ADAMTS12: variants seen among roughly 807,000 people sequenced by gnomAD.
ADAMTS12 encodes ADAM metallopeptidase with thrombospondin type 1 motif 12, also known as A disintegrin and metalloproteinase with thrombospondin motifs 12.
ADAMTS12 carries 118 observed loss-of-function variants against 167.8 expected under a neutral mutation model. The ratio of observed to expected loss-of-function variants is 0.70; its 90% CI spans 0.61 to 0.82. The LOEUF is 0.82. Among genes scored for constraint, ADAMTS12 ranks in the 40% least tolerant of loss-of-function variants. ADAMTS12 has a pLI of 0.00. For missense variants in ADAMTS12, 1,916 were observed against 1,998.8 expected, an observed-to-expected ratio of 0.96 and a Z score of 0.79; for synonymous variants, 704 against 716.9, an observed-to-expected ratio of 0.98 and a Z score of 0.29.
chr5:33,718,337 G>A (rs1376453600), intron 3 of ADAMTS12, among the ~76,000 whole-genome samples: 1 of 152,152 alleles, frequency 6.6e-6, no homozygotes, highest in Non-Finnish European at 1.5e-5. Flanking sequence ...AATGGTCCAT[G>A]GTCTGTTAAG....
intron 2 of ADAMTS12, among the ~76,000 whole-genome samples, chr5:33,879,116 ACAC>A (rs1308006530): frequency 6.6e-6 from 1 of 152,162 alleles, no homozygotes; most frequent in Non-Finnish European, 1.5e-5. Flanking sequence ...ACAACTCTGA[ACAC>A]ATTTAAAGCC....
chr5:33,720,722 A>G (rs1033998580), intron 3 of ADAMTS12, among the ~76,000 whole-genome samples: 4 of 152,216 alleles, frequency 2.6e-5, no homozygotes, highest in African/African-American at 9.7e-5. Flanking sequence ...ATGGAGACCA[A>G]CTGAAACCCT....
chr5:33,728,701 T>A (rs1579880961), intron 3 of ADAMTS12, among the ~76,000 whole-genome samples: 1 of 152,338 alleles, frequency 6.6e-6, no homozygotes, highest in East Asian at 1.9e-4. Context: ...GAAGGCCAGC[T>A]ACCCCTGTAG....
intron 13 of ADAMTS12, among the ~76,000 whole-genome samples, chr5:33,626,411 T>C (rs1739608500): frequency 7.0e-6 from 1 of 142,532 alleles, no homozygotes; most frequent in Non-Finnish European, 1.5e-5. Context: ...GTGGGGGTGA[T>C]GGTGATAGTG....
intron 12 of ADAMTS12, among the ~76,000 whole-genome samples, chr5:33,634,286 T>C (rs1412464034): frequency 2.0e-5 from 3 of 152,162 alleles, no homozygotes; most frequent in East Asian, 1.9e-4. Flanking sequence ...CCGGTGCTTT[T>C]ACCCAGGACC....
chr5:33,795,021 G>T (rs1746718759), intron 2 of ADAMTS12, among the ~76,000 whole-genome samples: 1 of 152,170 alleles, frequency 6.6e-6, no homozygotes, highest in Non-Finnish European at 1.5e-5. Context: ...CATTTGAAAA[G>T]TTTGTTCATT....
intron 2 of ADAMTS12, among the ~76,000 whole-genome samples, chr5:33,812,588 G>A (rs758159495): frequency 4.6e-5 from 7 of 152,236 alleles, no homozygotes; most frequent in Non-Finnish European, 7.4e-5. Context: ...GTTTTGCCTG[G>A]CTTTGGACTT....
At chr5:33,878,533 G>C (rs1015116030) in intron 2 of ADAMTS12, among the ~76,000 whole-genome samples, 3 of 152,174 alleles carry the variant, frequency 2.0e-5, no homozygotes, top group East Asian at 3.8e-4. Context: ...CTATTCCCAA[G>C]CCTAGGATAA....
chr5:33,694,921 C>T (rs10064467), intron 3 of ADAMTS12, among the ~76,000 whole-genome samples: 6,751 of 152,244 alleles, frequency 0.044, 306 homozygotes, highest in East Asian at 0.17. Flanking sequence ...TTGAAAATTA[C>T]CTATGTGACT....
intron 19 of ADAMTS12, among the ~76,000 whole-genome samples, chr5:33,563,168 G>T (rs1434605325): frequency 1.3e-5 from 2 of 151,950 alleles, no homozygotes; most frequent in African/African-American, 4.8e-5. Flanking sequence ...TTTCTTCTTT[G>T]TATCATATTA....
intron 2 of ADAMTS12, among the ~76,000 whole-genome samples, chr5:33,868,097 T>C (rs574946293): frequency 6.6e-6 from 1 of 152,312 alleles, no homozygotes; most frequent in African/African-American, 2.4e-5. Context: ...TCCCCAGCCA[T>C]GCTTCCTGTA....
At chr5:33,796,539 T>C (rs934197464) in intron 2 of ADAMTS12, among the ~76,000 whole-genome samples, 2 of 152,224 alleles carry the variant, frequency 1.3e-5, no homozygotes, top group African/African-American at 4.8e-5. Context: ...CTTCTCTTCT[T>C]ATAGGCAGAT....
At chr5:33,645,814 A>C (rs1457610398) in intron 9 of ADAMTS12, among the ~76,000 whole-genome samples, 4 of 152,154 alleles carry the variant, frequency 2.6e-5, no homozygotes, top group Non-Finnish European at 5.9e-5. Flanking sequence ...AAGAGATATG[A>C]AGTCTTCATT....
intron 16 of ADAMTS12, among the ~76,000 whole-genome samples, chr5:33,596,861 T>C (rs923083675): frequency 2.6e-5 from 4 of 152,196 alleles, no homozygotes; most frequent in African/African-American, 9.7e-5. Flanking sequence ...TTTGAGATGT[T>C]ATGTTTTTTA....
intron 2 of ADAMTS12, among the ~76,000 whole-genome samples, chr5:33,874,305 C>T (rs1295660316): frequency 2.0e-5 from 3 of 152,146 alleles, no homozygotes; most frequent in Non-Finnish European, 4.4e-5. Flanking sequence ...ATACATATGA[C>T]AAGCATATGA....
chr5:33,676,676 T>A (rs1303785140), intron 5 of ADAMTS12, among the ~76,000 whole-genome samples: 2 of 121,982 alleles, frequency 1.6e-5, no homozygotes, highest in African/African-American at 7.4e-5. Flanking sequence ...TGAGACTCTG[T>A]CTATCTTACA....
intron 2 of ADAMTS12, among the ~76,000 whole-genome samples, chr5:33,807,349 T>C (rs1442297704): frequency 1.3e-5 from 2 of 152,230 alleles, no homozygotes; most frequent in Non-Finnish European, 2.9e-5. Flanking sequence ...TACAGTAGCA[T>C]GGCTCCAGAA....
At chr5:33,707,851 T>C (rs1213527717) in intron 3 of ADAMTS12, among the ~76,000 whole-genome samples, 1 of 152,130 alleles carries the variant, frequency 6.6e-6, no homozygotes, top group Middle Eastern at 3.2e-3. Context: ...ATAAAAACTC[T>C]AGAAGAAACC....
At chr5:33,582,429 C>A (rs1464503514) in intron 18 of ADAMTS12, among the ~76,000 whole-genome samples, 2 of 152,182 alleles carry the variant, frequency 1.3e-5, no homozygotes, top group Non-Finnish European at 2.9e-5. Flanking sequence ...TGCCCCTATC[C>A]CTCCATGCTC....
Sources: allele counts gnomAD v4.1 joint callset (sites outside exome capture counted in the v4.1 genomes callset), GRCh38; gene constraint gnomAD v4.1.1; transcripts MANE v1.5; gene names NCBI Gene and HGNC (gene_info 2026-07-23, HGNC 2026-07-21).